Variants in SEC13 observed in about 807,000 individuals in gnomAD.
SEC13 encodes SEC13 homolog, nuclear pore and COPII component, also known as protein SEC13 homolog.
A neutral mutation model predicts 49.2 loss-of-function variants in SEC13; 25 were observed. The observed-to-expected ratio is 0.51, with a 90% CI of 0.37 to 0.71. The LOEUF is 0.71. SEC13 is among the 30% of genes least tolerant of loss of function. The probability of loss-of-function intolerance (pLI) is 0.00; values close to 1 mark genes in which losing one functional copy is unlikely to be tolerated. For synonymous variants in SEC13, 148 were observed against 163.9 expected (o/e 0.90, Z 0.74); for missense variants, 383 against 417.6 (o/e 0.92, Z 0.72).
intron 5 of SEC13, among the ~76,000 whole-genome samples, chr3:10,309,783 C>CTGTT (rs1318307033): frequency 2.0e-5 from 3 of 152,140 alleles, no homozygotes; most frequent in African/African-American, 7.2e-5. Flanking sequence ...AAATACTTTT[C>CTGTT]TGTTATTTTT....
rs569658016 is a variant in SEC13, at chr3:10,305,627, C to G, written c.516G>C (p.Ser172=). 67 of 1,614,062 alleles carry G rather than the reference C, an allele frequency of 4.2e-5. No homozygotes were observed. The highest frequency in any genetic ancestry group is 5.5e-5 in the Non-Finnish European group (65 of 1,180,030). ...VVPGSLIDHP[S]GQKPNYIKRF... is the part of the protein sequence containing the mutation. ...TCTTGATGTAATTGGGTTTCTGCCC[C>G]GATGGGTGGTCTATGAGGCTTCCAG... Residue 172 remains serine, a synonymous_variant, in exon 6 of 9, where the codon TCG becomes TCC. Transcript: ENST00000350697.
chr3:10,308,996 G>T (rs1701077774), intron 5 of SEC13, among the ~76,000 whole-genome samples: 1 of 139,716 alleles, frequency 7.2e-6, no homozygotes, highest in South Asian at 2.2e-4. Context: ...GGATTATAAT[G>T]GCGTGATCTT....
intron 5 of SEC13, among the ~76,000 whole-genome samples, chr3:10,306,505 C>CT (rs1700886984): frequency 6.6e-6 from 1 of 152,242 alleles, no homozygotes; most frequent in Non-Finnish European, 1.5e-5. Flanking sequence ...TGGTGATACT[C>CT]TAATTCCATC....
chr3:10,315,420 T>TG lies in SEC13; in HGVS notation c.64_65insC (p.Asp22AlafsTer20). The TG allele has an allele frequency of 7.2e-7, 1 of 1,391,302 alleles. No homozygotes were observed. 86.2% of individuals were successfully genotyped at this position (1,391,302 alleles called of 1,614,324 possible). ...GGTTGCCAGGCGGGTGCCATAGTAG[T>TG]CCATCTGGGCGTCGTGCTGCAAAGG... On this transcript the variant is annotated frameshift_variant, in exon 3 of 9. Coordinates refer to ENST00000350697, the MANE Select transcript of SEC13 (RefSeq NM_183352.3). LOFTEE classifies it high-confidence loss of function.
chr3:10,304,982 G>A, intron 7 of SEC13, 51 bp downstream of exon 7: 1 of 1,612,290 alleles, frequency 6.2e-7, no homozygotes, highest in Non-Finnish European at 8.5e-7. Flanking sequence ...AAGAGCTGAT[G>A]GGCCTGACTC....
At chr3:10,319,083 T>C (rs777408407) in intron 1 of SEC13, 12 of 1,472,124 alleles carry the variant, frequency 8.2e-6, no homozygotes, top group Non-Finnish European at 1.0e-5. Context: ...TCTTAAATTC[T>C]TGGGATAGAA....
At chr3:10,309,166 G>GACTT (rs1208720590) in intron 5 of SEC13, among the ~76,000 whole-genome samples, 1 of 151,510 alleles carries the variant, frequency 6.6e-6, no homozygotes, top group Non-Finnish European at 1.5e-5. Context: ...TTAAACTCCT[G>GACTT]ACTTCAGGTG....
chr3:10,304,461 C>T (rs1034192216), intron 7 of SEC13, among the ~76,000 whole-genome samples: 3 of 152,190 alleles, frequency 2.0e-5, no homozygotes, highest in Non-Finnish European at 4.4e-5. Flanking sequence ...GTCACTTCCA[C>T]TGGCCGTCTA....
At chr3:10,309,511 GTCTT>G (rs1396519822) in intron 5 of SEC13, among the ~76,000 whole-genome samples, 4 of 152,082 alleles carry the variant, frequency 2.6e-5, no homozygotes, top group African/African-American at 9.7e-5. Flanking sequence ...TTTCGTCTTA[GTCTT>G]TCTTTACTTC....
intron 8 of SEC13, among the ~76,000 whole-genome samples, chr3:10,303,140 G>C (rs539101917): frequency 6.6e-6 from 1 of 152,192 alleles, no homozygotes; most frequent in East Asian, 1.9e-4. Context: ...TGGTTGTGCC[G>C]TGAGCCACAC....
chr3:10,304,143 A>G lies in SEC13; in HGVS notation c.738T>C (p.Asp246=), dbSNP rs1700716026. 6.2e-7 allele frequency: 1 copy of G among 1,614,200 alleles called. No individual in the cohort carries two copies. The highest frequency in any genetic ancestry group is 8.5e-7 in the Non-Finnish European group (1 of 1,180,024). ...GGGACCACGTATTGCTTGAGGCATC[A>G]TCACAGGTCCAAATGAACACACGAC... ...QDGRVFIWTC[D]DASSNTWSPK... Residue 246 remains aspartate, a synonymous_variant, in exon 8 of 9, where the codon GAT becomes GAC. Coordinates refer to ENST00000350697, the MANE Select transcript of SEC13 (RefSeq NM_183352.3).
At chr3:10,311,054 G>A (rs1037654267) in intron 5 of SEC13, among the ~76,000 whole-genome samples, 3 of 151,874 alleles carry the variant, frequency 2.0e-5, no homozygotes, top group Non-Finnish European at 2.9e-5. Context: ...AACTCCCAGC[G>A]GGGGCCCCTG....
chr3:10,301,454 A>G, intron 8 of SEC13, 80 bp from the exon 9 acceptor site: 1 of 1,567,498 alleles, frequency 6.4e-7, no homozygotes, highest in Non-Finnish European at 8.7e-7. Context: ...CCTCATCCTC[A>G]TCAAGAACCA....
intron 1 of SEC13, chr3:10,319,302 C>A (rs1452826060): frequency 6.3e-7 from 1 of 1,591,838 alleles, no homozygotes; most frequent in Non-Finnish European, 8.5e-7. Flanking sequence ...TCTCTAAAAA[C>A]CAGGTCCCCG....
chr3:10,302,516 T>C (rs1700601541), intron 8 of SEC13, among the ~76,000 whole-genome samples: 1 of 152,196 alleles, frequency 6.6e-6, no homozygotes, highest in Non-Finnish European at 1.5e-5. Flanking sequence ...GGCACTTGCT[T>C]ACAGCCTTGT....
rs1024464955 is a variant in SEC13 at position 10,319,659 on chromosome 3, G to C, written c.3+1391C>G. On this transcript the variant is annotated intron_variant, in intron 1 of 8. Coordinates refer to ENST00000350697, the MANE Select transcript of SEC13 (RefSeq NM_183352.3). ...TAGGTTCACGAAGAAAGTTTACTGA[G>C]AGGTAGTTTCAACCAGGTTACCAAA... Among the ~76,000 whole-genome samples the C allele has an allele frequency of 2.6e-5, 4 of 151,748 alleles. No homozygotes were observed. In the South Asian group the frequency reaches 8.3e-4, roughly 32 times the overall value.
intron 8 of SEC13, 47 bp from the exon 9 acceptor site, chr3:10,301,421 C>G (rs747281275): frequency 3.1e-6 from 5 of 1,611,060 alleles, no homozygotes; most frequent in Admixed American, 1.7e-5. Context: ...GTGCCCTTCC[C>G]TCTGCTGTCC....
rs1361255718 is a variant in SEC13, at chr3:10,320,871, C to T, written c.3+179G>A. 3.7e-5 allele frequency: 51 copies of T among 1,390,078 alleles called. No individual in the cohort carries two copies. The Middle Eastern group carries it at 1.4e-3, about 37-fold the overall frequency. The allele number at this position is 1,390,078 out of a possible 1,614,324, so 86.1% of individuals were successfully genotyped here. A position where few individuals can be genotyped will look rare whatever the true frequency, so the allele number is the denominator to read the frequency against. ...AGTCAGGGAGGTTCCTCGGCCTCAC[C>T]TCTGGACTCCCCTCGGAATGGTCCG... On this transcript the variant is annotated intron_variant, in intron 1 of 8. Transcript: ENST00000350697.
intron 4 of SEC13, 25 bp from the exon 5 acceptor site, chr3:10,312,123 G>A: frequency 1.9e-6 from 3 of 1,570,884 alleles, no homozygotes; most frequent in East Asian, 2.4e-5. Flanking sequence ...AGAGTGCAGT[G>A]AGCAAAGCAG....
Sources: gnomAD v4.1 joint callset for allele counts (sites outside exome capture counted in the v4.1 genomes callset) on GRCh38, gnomAD v4.1.1 for gene constraint, MANE v1.5 for transcripts, NCBI Gene and HGNC (gene_info 2026-07-23, HGNC 2026-07-21) for gene names.